Variants in ARL6 observed in about 807,000 individuals in gnomAD.
ARL6 encodes ADP-ribosylation factor-like protein 6.
ARL6 carries 18 observed loss-of-function variants against 27.1 expected under a neutral mutation model. The observed-to-expected ratio is 0.66, with a 90% CI of 0.46 to 0.98. The LOEUF (loss-of-function observed/expected upper bound fraction) is 0.98. ARL6 is among the 50% of genes least tolerant of loss of function. The pLI is 0.00. For missense variants in ARL6, 187 were observed against 214.9 expected (o/e 0.87, Z 0.81); for synonymous variants, 65 against 72.3 (o/e 0.90, Z 0.51).
At chr3:97,777,420 A>T (rs2036961981) in intron 2 of ARL6, among the ~76,000 whole-genome samples, 1 of 152,142 alleles carries the variant, frequency 6.6e-6, no homozygotes, top group Non-Finnish European at 1.5e-5. Context: ...TAACTTATGC[A>T]CATCCTCCTG....
chr3:97,795,866 GA>G (rs1278759544), intron 7 of ARL6, among the ~76,000 whole-genome samples: 1 of 152,228 alleles, frequency 6.6e-6, no homozygotes, highest in East Asian at 1.9e-4. Flanking sequence ...ATTGAAAAAT[GA>G]GGAAAAAAAG....
intron 7 of ARL6, among the ~76,000 whole-genome samples, chr3:97,796,149 C>T (rs1040606246): frequency 6.6e-6 from 1 of 152,030 alleles, no homozygotes; most frequent in African/African-American, 2.4e-5. Context: ...CAAAGGATGA[C>T]CAGGCATTTG....
chr3:97,771,010 T>C (rs377386955), intron 2 of ARL6, among the ~76,000 whole-genome samples: 137 of 152,208 alleles, frequency 9.0e-4, no homozygotes, highest in Non-Finnish European at 1.7e-3. Flanking sequence ...TGGGGTCTTT[T>C]ATGGTTTCAT....
At chr3:97,784,480 T>TAA (rs148371215) in intron 4 of ARL6, among the ~76,000 whole-genome samples, 5,644 of 140,620 alleles carry the variant, frequency 0.04, 190 homozygotes, top group African/African-American at 0.097. Flanking sequence ...ACCATAGTAG[T>TAA]AAAAAAAAAA....
intron 6 of ARL6, among the ~76,000 whole-genome samples, chr3:97,789,773 A>G (rs1307324843): frequency 6.6e-6 from 1 of 152,146 alleles, no homozygotes; most frequent in Non-Finnish European, 1.5e-5. Flanking sequence ...GCATGTATAA[A>G]ATTGAAAATG....
intron 1 of ARL6, among the ~76,000 whole-genome samples, chr3:97,767,388 T>C (rs1280037121): frequency 6.6e-6 from 1 of 152,156 alleles, no homozygotes; most frequent in East Asian, 1.9e-4. Flanking sequence ...TGTATGTATT[T>C]ATGCATAACC....
Position 97,791,917 on chromosome 3 carries a change from GC to G in ARL6, c.535+93del, listed in dbSNP as rs2037760230. The G allele has an allele frequency of 4.3e-6, 5 of 1,165,294 alleles. No individual in the cohort carries two copies. In the East Asian group the frequency reaches 1.3e-4, roughly 30 times the overall value. The allele number at this position is 1,165,294 out of a possible 1,614,324, so 72.2% of individuals were successfully genotyped here. On this transcript the variant is annotated intron_variant, in intron 7 of 7. Coordinates refer to ENST00000463745, the MANE Select transcript of ARL6 (RefSeq NM_001278293.3). The stretch of plus-strand genomic sequence containing the variant: ...TTACATTTTATTTTATTATATCATT[GC>G]CTTTTTTCCTCTTTCCATTTATTTC...
chr3:97,795,580 G>T (rs2037962082), intron 7 of ARL6, among the ~76,000 whole-genome samples: 1 of 152,170 alleles, frequency 6.6e-6, no homozygotes, highest in South Asian at 2.1e-4. Flanking sequence ...TTTGGAAGCT[G>T]AATATTTGAT....
At chr3:97,784,697 T>G (rs1430212582) in intron 4 of ARL6, among the ~76,000 whole-genome samples, 2 of 151,856 alleles carry the variant, frequency 1.3e-5, no homozygotes, top group Admixed American at 6.6e-5. Flanking sequence ...AAATTACTCA[T>G]TTTTTAAAAT....
At position 97,780,696 on chromosome 3, in the gene ARL6, G is replaced by C; in HGVS notation, c.254+13G>C. The C allele has an allele frequency of 6.3e-7, 1 of 1,586,908 alleles. No individual in the cohort carries two copies. Among genetic ancestry groups the C allele is most frequent in the African/African-American group, 1.3e-5 (1 of 74,462 alleles). On this transcript the variant is annotated intron_variant, in intron 4 of 7. Coordinates refer to ENST00000463745, the MANE Select transcript of ARL6 (RefSeq NM_001278293.3). Reference sequence around the variant, plus strand: ...AACACTATTATAAGTAAGTACATCTGTGAATGTTGCTTAACTAGATGGTTT... The same window carrying C: ...AACACTATTATAAGTAAGTACATCTCTGAATGTTGCTTAACTAGATGGTTT...
At position 97,791,843 on chromosome 3, in the gene ARL6, T is replaced by G; in HGVS notation, c.535+17T>G. 5.0e-6 allele frequency: 8 copies of G among 1,608,692 alleles called. No individual in the cohort carries two copies. Among genetic ancestry groups the G allele is most frequent in the Non-Finnish European group, 6.8e-6 (8 of 1,176,006 alleles). ...GGCTTCAAGGTACATTACAAAATAC[T>G]GTGTGTCTTCAGCCTTTGTTTCCTT... On this transcript the variant is annotated intron_variant, in intron 7 of 7. Transcript: ENST00000463745.
chr3:97,769,335 T>C (rs1448614579), intron 2 of ARL6, among the ~76,000 whole-genome samples: 1 of 152,074 alleles, frequency 6.6e-6, no homozygotes, highest in Non-Finnish European at 1.5e-5. Context: ...TTTTTAGAGA[T>C]AGACTCTATA....
At chr3:97,795,713 T>C (rs1331406438) in intron 7 of ARL6, among the ~76,000 whole-genome samples, 1 of 152,036 alleles carries the variant, frequency 6.6e-6, no homozygotes, top group African/African-American at 2.4e-5. Context: ...AAATTGAAAA[T>C]AAGGATGAAC....
chr3:97,773,176 A>G (rs1576435981), intron 2 of ARL6, among the ~76,000 whole-genome samples: 1 of 152,204 alleles, frequency 6.6e-6, no homozygotes, highest in East Asian at 1.9e-4. Context: ...CTGAGTCACA[A>G]AACTGAAGAA....
intron 2 of ARL6, among the ~76,000 whole-genome samples, chr3:97,774,360 C>G (rs114151140): frequency 6.6e-6 from 1 of 151,968 alleles, no homozygotes; most frequent in Admixed American, 6.6e-5. Context: ...TAGAAGCAGG[C>G]GGGGGTATTG....
intron 7 of ARL6, among the ~76,000 whole-genome samples, chr3:97,797,471 G>A (rs2038058124): frequency 6.6e-6 from 1 of 152,104 alleles, no homozygotes; most frequent in Admixed American, 6.5e-5. Flanking sequence ...GGAGAATGGG[G>A]GTATTAGAAG....
At chr3:97,794,503 C>T (rs2037904458) in intron 7 of ARL6, among the ~76,000 whole-genome samples, 3 of 151,998 alleles carry the variant, frequency 2.0e-5, no homozygotes, top group African/African-American at 7.2e-5. Flanking sequence ...CATGAGCCAC[C>T]GCGCCCGGCC....
In ARL6 at chr3:97,800,050, C is replaced by T. The variant is rs1160828165; in HGVS notation, c.*2001C>T. On this transcript the variant is annotated 3_prime_UTR_variant, in exon 8 of 8. Coordinates refer to ENST00000463745, the MANE Select transcript of ARL6 (RefSeq NM_001278293.3). Reference sequence around the variant, plus strand: ...CTATTAACACTACTCAAATTTTAAACTCTGGATACAAATGACTTTGATAAA... The same window carrying T: ...CTATTAACACTACTCAAATTTTAAATTCTGGATACAAATGACTTTGATAAA... 6.6e-6 allele frequency: 1 copy of T among 151,916 alleles called. No homozygotes were observed. Among genetic ancestry groups the T allele is most frequent in the Non-Finnish European group, 1.5e-5 (1 of 67,940 alleles). 9.4% of individuals were successfully genotyped at this position (151,916 alleles called of 1,614,324 possible).
At chr3:97,775,654 A>T (rs558130538) in intron 2 of ARL6, among the ~76,000 whole-genome samples, 170 of 152,284 alleles carry the variant, frequency 1.1e-3, no homozygotes, top group Non-Finnish European at 2.0e-3. Context: ...ATTAACCATC[A>T]CAAAGAACTT....
Sources: gnomAD v4.1 joint callset for allele counts (sites outside exome capture counted in the v4.1 genomes callset) on GRCh38, gnomAD v4.1.1 for gene constraint, MANE v1.5 for transcripts, NCBI Gene and HGNC (gene_info 2026-07-23, HGNC 2026-07-21) for gene names.